Variants in NAALADL2 observed in about 807,000 individuals in gnomAD.
NAALADL2 encodes the protein inactive N-acetylated-alpha-linked acidic dipeptidase-like protein 2.
A neutral mutation model predicts 87.2 loss-of-function variants in NAALADL2; 76 were observed. The observed-to-expected ratio is 0.87, with a 90% CI of 0.72 to 1.05. The LOEUF is 1.05. Ranked by LOEUF, NAALADL2 falls within the 50% of genes least tolerant of loss-of-function variation. The pLI, the probability that NAALADL2 is intolerant of heterozygous loss-of-function variation, is 0.00. For missense variants in NAALADL2, 1,089 were observed against 945.8 expected, an observed-to-expected ratio of 1.15 and a Z score of -1.99; for synonymous variants, 354 against 331.0, an observed-to-expected ratio of 1.07 and a Z score of -0.75.
intron 2 of NAALADL2, among the ~76,000 whole-genome samples, chr3:174,720,403 G>A (rs1411090125): frequency 2.6e-5 from 4 of 151,896 alleles, no homozygotes; most frequent in African/African-American, 9.7e-5. Flanking sequence ...AGGTAATCTA[G>A]GATAAATCAG....
chr3:174,787,601 A>ATATATATATATATATATGTG lies in NAALADL2; in HGVS notation c.-9+49872_-9+49873insGTGTATATATATATATATAT, dbSNP rs1560225689. 3.3e-5 allele frequency among the ~76,000 whole-genome samples: 3 copies of ATATATATATATATATATGTG among 91,208 alleles called. 1 individual carries two copies. The highest frequency in any genetic ancestry group is 1.2e-4 in the African/African-American group (3 of 25,972). The allele number at this position is 91,208 out of a possible 152,430, so 59.8% of individuals were successfully genotyped here. A position where few individuals can be genotyped will look rare whatever the true frequency, so the allele number is the denominator to read the frequency against. On this transcript the variant is annotated intron_variant, in intron 3 of 3. Coordinates refer to the NAALADL2 transcript ENST00000434257. ...CATATATATATATATATATATATAT[A>ATATATATATATATATATGTG]TATATATATATATATATATAGTAGT...
In NAALADL2 at chr3:174,717,847, C is replaced by T. The variant is rs187594952; in HGVS notation, c.-114-19794C>T. 6.1e-3 allele frequency among the ~76,000 whole-genome samples: 934 copies of T among 152,148 alleles called. 7 individuals carry two copies. The highest frequency in any genetic ancestry group is 0.014 in the African/African-American group (576 of 41,522). On this transcript the variant is annotated intron_variant, in intron 2 of 3. Transcript: ENST00000434257. ...TTTTACAAGAAGTTTCCTCCTTGGC[C>T]GGGCATGGTGGCTCATGCCTGTAAT...
At chr3:174,789,482 C>T (rs1578938914) in intron 3 of NAALADL2, among the ~76,000 whole-genome samples, 1 of 152,178 alleles carries the variant, frequency 6.6e-6, no homozygotes, top group Admixed American at 6.5e-5. Context: ...CTTGGAACTA[C>T]ATCTGTGGCT....
intron 4 of NAALADL2, among the ~76,000 whole-genome samples, chr3:175,318,272 G>C (rs1759402929): frequency 6.6e-6 from 1 of 151,984 alleles, no homozygotes; most frequent in African/African-American, 2.4e-5. Context: ...GTTTTACTTT[G>C]TTTTAGTGTA....
At chr3:175,483,182 C>G (rs1726761866) in intron 9 of NAALADL2, among the ~76,000 whole-genome samples, 1 of 151,694 alleles carries the variant, frequency 6.6e-6, no homozygotes, top group Non-Finnish European at 1.5e-5. Flanking sequence ...ATAATTGCAT[C>G]TTATTCTATT....
In NAALADL2 at chr3:175,583,029, C is replaced by A. The variant is rs574793497; in HGVS notation, c.1800+6842C>A. 2.6e-5 allele frequency among the ~76,000 whole-genome samples: 4 copies of A among 152,118 alleles called. No individual in the cohort carries two copies. The South Asian group carries it at 8.3e-4, about 31-fold the overall frequency. On this transcript the variant is annotated intron_variant, in intron 10 of 13. Coordinates refer to ENST00000454872, the MANE Select transcript of NAALADL2 (RefSeq NM_207015.3). ...ACAGTGGGGTTACAGCCCAATAAAC[C>A]CACCATATGCTGACAATTTCCTGTC...
chr3:175,708,711 TC>T (rs1166607676), intron 11 of NAALADL2, among the ~76,000 whole-genome samples: 19 of 151,094 alleles, frequency 1.3e-4, no homozygotes, highest in African/African-American at 4.1e-4. Context: ...TACATTTCCC[TC>T]CCCCCAAAGC....
chr3:174,809,871 T>C (rs774082029), intron 3 of NAALADL2, among the ~76,000 whole-genome samples: 9 of 152,144 alleles, frequency 5.9e-5, no homozygotes, highest in Admixed American at 3.3e-4. Context: ...GCACAAATGG[T>C]TTAGCATCAT....
chr3:174,941,023 G>A (rs1487538542), intron 1 of NAALADL2, among the ~76,000 whole-genome samples: 1 of 151,872 alleles, frequency 6.6e-6, no homozygotes, highest in East Asian at 1.9e-4. Flanking sequence ...TCTCATTTTG[G>A]TCATTTCTTG....
At chr3:175,199,520 A>G (rs1235367724) in intron 2 of NAALADL2, among the ~76,000 whole-genome samples, 1 of 151,930 alleles carries the variant, frequency 6.6e-6, no homozygotes, top group Non-Finnish European at 1.5e-5. Context: ...TGCCTTATGC[A>G]CTATTGTAGG....
chr3:175,464,336 A>G (rs1426055452), intron 7 of NAALADL2, among the ~76,000 whole-genome samples: 3 of 151,814 alleles, frequency 2.0e-5, no homozygotes, highest in Non-Finnish European at 2.9e-5. Context: ...AGACAGGAGA[A>G]TCGCTTGAAT....
intron 2 of NAALADL2, among the ~76,000 whole-genome samples, chr3:174,634,953 G>T (rs1023516104): frequency 6.6e-6 from 1 of 152,134 alleles, no homozygotes; most frequent in African/African-American, 2.4e-5. Flanking sequence ...ATTTTAATTA[G>T]TAGGATTTTT....
chr3:175,793,771 G>A (rs1753119268), intron 13 of NAALADL2, among the ~76,000 whole-genome samples: 1 of 151,846 alleles, frequency 6.6e-6, no homozygotes, highest in South Asian at 2.1e-4. Flanking sequence ...ATCACGTTTG[G>A]CTTCCAACCT....
Position 175,249,563 on chromosome 3 carries a change from C to T in NAALADL2, c.820-6848C>T, listed in dbSNP as rs903522912. 1.4e-4 allele frequency among the ~76,000 whole-genome samples: 21 copies of T among 152,088 alleles called. 1 individual carries two copies. The highest frequency in any genetic ancestry group is 2.1e-4 in the South Asian group (1 of 4,816). The stretch of plus-strand genomic sequence containing the variant: ...GATCATATTATTTCTCTCTCACATA[C>T]GTCACATATATCTCAATGAATATAG... On this transcript the variant is annotated intron_variant, in intron 3 of 13. Transcript: ENST00000454872.
chr3:175,286,331 C>T (rs994973004), intron 4 of NAALADL2, among the ~76,000 whole-genome samples: 1 of 152,132 alleles, frequency 6.6e-6, no homozygotes, highest in Non-Finnish European at 1.5e-5. Flanking sequence ...TACTGTGCAT[C>T]CTCTTCCTGA....
At chr3:175,761,318 T>C (rs1441762904) in intron 13 of NAALADL2, among the ~76,000 whole-genome samples, 1 of 152,200 alleles carries the variant, frequency 6.6e-6, no homozygotes, top group African/African-American at 2.4e-5. Flanking sequence ...GTATGCAACC[T>C]TGTTGGATTG....
intron 4 of NAALADL2, among the ~76,000 whole-genome samples, chr3:175,276,048 G>C (rs932472157): frequency 6.7e-6 from 1 of 150,252 alleles, no homozygotes; most frequent in Admixed American, 6.6e-5. Flanking sequence ...TGAAAAAATG[G>C]CCTTATTTTT....
At position 175,396,397 on chromosome 3, in the gene NAALADL2, T is replaced by G. The variant is rs192280984; in HGVS notation, c.1091-50832T>G. ...TATGATCAATATTTGATAAGTAATG[T>G]TGAATACATTTGTTATTGAGAGGTA... On this transcript the variant is annotated intron_variant, in intron 5 of 13. Transcript: ENST00000454872. 6.6e-5 allele frequency among the ~76,000 whole-genome samples: 10 copies of G among 152,292 alleles called. No homozygotes were observed. In the East Asian group the frequency reaches 1.5e-3, roughly 24 times the overall value.
chr3:174,778,678 T>A (rs1372801891), intron 3 of NAALADL2, among the ~76,000 whole-genome samples: 2 of 152,090 alleles, frequency 1.3e-5, no homozygotes, highest in Admixed American at 6.6e-5. Flanking sequence ...CCTCCCTGTG[T>A]CCATATGTTC....
Sources: gnomAD v4.1 joint callset for allele counts (sites outside exome capture counted in the v4.1 genomes callset) on GRCh38, gnomAD v4.1.1 for gene constraint, MANE v1.5 for transcripts, NCBI Gene and HGNC (gene_info 2026-07-23, HGNC 2026-07-21) for gene names.